Variants in PPP2R5C observed in about 807,000 individuals in gnomAD.
The protein encoded by PPP2R5C is protein phosphatase 2 regulatory subunit B'gamma.
In PPP2R5C, 7 loss-of-function variants were observed where a neutral mutation model predicts 68.9. The ratio of observed to expected loss-of-function variants is 0.10; its 90% CI spans 0.06 to 0.19. The LOEUF is 0.19. Among genes scored for constraint, PPP2R5C ranks in the 10% least tolerant of loss-of-function variants. The pLI is 1.00. For missense variants in PPP2R5C, 348 were observed against 641.3 expected, an observed-to-expected ratio of 0.54 and a Z score of 4.94; for synonymous variants, 210 against 222.2, an observed-to-expected ratio of 0.95 and a Z score of 0.49.
At chr14:101,816,899 A>T (rs1435073129) in intron 1 of PPP2R5C, among the ~76,000 whole-genome samples, 8 of 127,164 alleles carry the variant, frequency 6.3e-5, no homozygotes, top group African/African-American at 1.0e-4. Flanking sequence ...ATATTATATA[A>T]ATATATATAT....
chr14:101,925,354 A>C, exon 14 of PPP2R5C: 1 of 1,549,928 alleles, frequency 6.5e-7, no homozygotes, highest in Non-Finnish European at 8.7e-7. Context: ...GTGCCATACC[A>C]ATCAGTTACA....
At chr14:101,768,545 G>T (rs2036976606) in intron 2 of PPP2R5C, among the ~76,000 whole-genome samples, 3 of 152,016 alleles carry the variant, frequency 2.0e-5, no homozygotes, top group South Asian at 4.1e-4. Context: ...GAGAAAAGTG[G>T]CATGGCTCTG....
chr14:101,772,190 T>G (rs1459840131), intron 2 of PPP2R5C, among the ~76,000 whole-genome samples: 1 of 152,060 alleles, frequency 6.6e-6, no homozygotes, highest in Non-Finnish European at 1.5e-5. Flanking sequence ...AAATTTAAGG[T>G]TAAATTTAAA....
intron 13 of PPP2R5C, among the ~76,000 whole-genome samples, chr14:101,918,908 A>T (rs2046857801): frequency 1.3e-5 from 2 of 151,700 alleles, no homozygotes; most frequent in African/African-American, 2.4e-5. Flanking sequence ...GAGAAACTTT[A>T]ACCTCTTTTT....
intron 1 of PPP2R5C, among the ~76,000 whole-genome samples, chr14:101,854,718 C>T (rs1391295468): frequency 6.6e-6 from 1 of 152,216 alleles, no homozygotes; most frequent in African/African-American, 2.4e-5. Flanking sequence ...TCCTAAAAAA[C>T]TCTGCAGGAC....
intron 2 of PPP2R5C, among the ~76,000 whole-genome samples, chr14:101,873,212 A>T (rs1268565748): frequency 6.6e-6 from 1 of 152,136 alleles, no homozygotes; most frequent in Non-Finnish European, 1.5e-5. Flanking sequence ...GCCAATTCTA[A>T]CATTTGTGTC....
At chr14:101,828,365 GT>G (rs2040528292) in intron 1 of PPP2R5C, among the ~76,000 whole-genome samples, 1 of 152,092 alleles carries the variant, frequency 6.6e-6, no homozygotes, top group South Asian at 2.1e-4. Flanking sequence ...CCCCTGAAGT[GT>G]ACTTGAAGTG....
chr14:101,834,502 GGCAGCTGTTCCA>G (rs1480186986), intron 1 of PPP2R5C, among the ~76,000 whole-genome samples: 7 of 152,242 alleles, frequency 4.6e-5, no homozygotes, highest in Admixed American at 4.6e-4. Flanking sequence ...CTTGTGATCA[GGCAGCTGTTCCA>G]GCAGAAATGG....
At chr14:101,857,921 T>A (rs1347001240) in intron 2 of PPP2R5C, among the ~76,000 whole-genome samples, 1 of 152,226 alleles carries the variant, frequency 6.6e-6, no homozygotes, top group Non-Finnish European at 1.5e-5. Context: ...TTCTTTAGTA[T>A]GTTTGCTTTG....
intron 1 of PPP2R5C, among the ~76,000 whole-genome samples, chr14:101,834,886 C>T (rs1241024806): frequency 1.3e-5 from 2 of 152,172 alleles, no homozygotes; most frequent in African/African-American, 2.4e-5. Context: ...ATATCCAGCT[C>T]GCTGGTGGGC....
At chr14:101,876,759 G>A (rs1476257296) in intron 2 of PPP2R5C, among the ~76,000 whole-genome samples, 2 of 152,156 alleles carry the variant, frequency 1.3e-5, no homozygotes, top group Admixed American at 6.5e-5. Flanking sequence ...GCAGACATAC[G>A]TATGCACTCA....
At position 101,867,356 on chromosome 14, in the gene PPP2R5C, G is replaced by A. The variant is rs142072249; in HGVS notation, c.294+10471G>A. 2.5e-3 allele frequency among the ~76,000 whole-genome samples: 379 copies of A among 151,926 alleles called. 3 individuals carry two copies. Among genetic ancestry groups the A allele is most frequent in the Middle Eastern group, 0.01 (3 of 294 alleles). On this transcript the variant is annotated intron_variant, in intron 2 of 13. Transcript: ENST00000334743. ...CTCAGGAGCTTAAGGCTGCAATGAG[G>A]TATGATTGTGCCACTGCACTCCTAC...
chr14:101,907,360 G>A (rs2141074459), intron 10 of PPP2R5C, among the ~76,000 whole-genome samples: 1 of 151,932 alleles, frequency 6.6e-6, no homozygotes, highest in Admixed American at 6.6e-5. Context: ...TTGTAGAGAT[G>A]GGGTTTTGCC....
At chr14:101,905,724 T>C (rs2045983072) in intron 9 of PPP2R5C, among the ~76,000 whole-genome samples, 1 of 151,552 alleles carries the variant, frequency 6.6e-6, no homozygotes. Context: ...TAAGCGCCAG[T>C]GCACTCAGGC....
chr14:101,884,140 T>TA (rs1234657411), intron 5 of PPP2R5C, among the ~76,000 whole-genome samples: 1 of 151,882 alleles, frequency 6.6e-6, no homozygotes, highest in African/African-American at 2.4e-5. Flanking sequence ...CTGAAGAATT[T>TA]AGAGTCCAAT....
At chr14:101,868,748 T>C (rs563691734) in intron 2 of PPP2R5C, among the ~76,000 whole-genome samples, 1 of 152,368 alleles carries the variant, frequency 6.6e-6, no homozygotes, top group East Asian at 1.9e-4. Context: ...TGGGAACTTA[T>C]GACCTAGTGA....
At position 101,891,296 on chromosome 14, in the gene PPP2R5C, ACT is replaced by A. The variant is rs906031738; in HGVS notation, c.689+1005_689+1006del. ...ACGCTCTGCAGCTCCTGAGCACAAG[ACT>A]CTCTTCTCAGGGTGGATCAGGTCCT... is the stretch of plus-strand genomic sequence containing the variant. On this transcript the variant is annotated intron_variant, in intron 6 of 13. Coordinates refer to ENST00000334743, the Ensembl canonical transcript of PPP2R5C. This position sits in a 1 kb window ranked among gnomAD's most constrained non-coding sequence, Gnocchi z 4.9. Among the ~76,000 whole-genome samples the A allele has an allele frequency of 6.6e-6, 1 of 151,598 alleles. No homozygotes were observed. Among genetic ancestry groups the A allele is most frequent in the African/African-American group, 2.4e-5 (1 of 41,216 alleles).
At chr14:101,898,419 T>C (rs966073555) in intron 8 of PPP2R5C, among the ~76,000 whole-genome samples, 1 of 152,180 alleles carries the variant, frequency 6.6e-6, no homozygotes, top group African/African-American at 2.4e-5. Flanking sequence ...GCTCGGTGAA[T>C]GAGCCTCACC....
chr14:101,766,267 T>G (rs2036855287), intron 2 of PPP2R5C: 1 of 152,354 alleles, frequency 6.6e-6, no homozygotes, highest in East Asian at 1.9e-4. Flanking sequence ...GATGAAGTCC[T>G]GGAGTATAGG....
Sources: gnomAD v4.1 joint callset for allele counts (sites outside exome capture counted in the v4.1 genomes callset) on GRCh38, gnomAD v4.1.1 for gene constraint, Gnocchi (gnomAD v3.1) non-coding constraint, MANE v1.5 for transcripts, NCBI Gene and HGNC (gene_info 2026-07-23, HGNC 2026-07-21) for gene names.